Variants in SNTG1 observed in about 807,000 individuals in gnomAD.
SNTG1 encodes the protein syntrophin gamma 1.
SNTG1 carries 39 observed loss-of-function variants against 74.7 expected under a neutral mutation model. The observed-to-expected ratio is 0.52, with a 90% confidence interval of 0.40 to 0.68. The LOEUF (loss-of-function observed/expected upper bound fraction) is 0.68, where lower values mean the gene tolerates loss of function less well. Among genes scored for constraint, SNTG1 ranks in the 30% least tolerant of loss-of-function variants. The pLI, the probability that SNTG1 is intolerant of heterozygous loss-of-function variation, is 0.00. For missense variants in SNTG1, 685 were observed against 609.5 expected (o/e 1.12, Z -1.30); for synonymous variants, 254 against 217.1 (o/e 1.17, Z -1.49).
chr8:49,969,349 A>T (rs1301244630), intron 1 of SNTG1, among the ~76,000 whole-genome samples: 1 of 151,764 alleles, frequency 6.6e-6, no homozygotes, highest in East Asian at 1.9e-4. Flanking sequence ...AATTTACAAA[A>T]ATTCTCAAAA....
At chr8:50,100,222 T>A in intron 1 of SNTG1, among the ~76,000 whole-genome samples, 1 of 152,134 alleles carries the variant, frequency 6.6e-6, no homozygotes, top group Non-Finnish European at 1.5e-5. Context: ...GTTGATTTCA[T>A]AGAAGTAGAG....
chr8:50,714,478 A>T (rs148104010), intron 17 of SNTG1, among the ~76,000 whole-genome samples: 19 of 152,090 alleles, frequency 1.2e-4, no homozygotes, highest in Non-Finnish European at 2.6e-4. Flanking sequence ...GTCCAAAGTG[A>T]TTTATAGATT....
At chr8:50,046,695 A>G (rs188987986) in intron 1 of SNTG1, among the ~76,000 whole-genome samples, 2 of 152,224 alleles carry the variant, frequency 1.3e-5, no homozygotes, top group Admixed American at 1.3e-4. Context: ...TTTCTCTGTT[A>G]TTTGTATGTG....
chr8:50,112,824 A>C (rs561681094), intron 1 of SNTG1, among the ~76,000 whole-genome samples: 38 of 152,040 alleles, frequency 2.5e-4, no homozygotes, highest in Non-Finnish European at 5.0e-4. Context: ...ATTTAATTCT[A>C]AATATGCATG....
At chr8:50,022,734 A>G (rs1816934590) in intron 1 of SNTG1, among the ~76,000 whole-genome samples, 1 of 152,142 alleles carries the variant, frequency 6.6e-6, no homozygotes, top group African/African-American at 2.4e-5. Context: ...GCATACATGG[A>G]TTAGGAAATA....
chr8:50,122,212 A>G (rs375712200), intron 1 of SNTG1, among the ~76,000 whole-genome samples: 1 of 142,194 alleles, frequency 7.0e-6, no homozygotes, highest in African/African-American at 2.5e-5. Context: ...GAATAAATGT[A>G]AAAATATTCA....
At chr8:50,368,296 T>A (rs2092173525) in intron 2 of SNTG1, among the ~76,000 whole-genome samples, 1 of 152,196 alleles carries the variant, frequency 6.6e-6, no homozygotes, top group Admixed American at 6.5e-5. Flanking sequence ...TACACTTGGC[T>A]ATTTACCAGA....
chr8:50,600,815 A>AT (rs916557417), intron 13 of SNTG1, among the ~76,000 whole-genome samples: 39 of 147,930 alleles, frequency 2.6e-4, no homozygotes, highest in Admixed American at 4.7e-4. Context: ...TCTTTATTCT[A>AT]TTTTTTTTTC....
At chr8:50,131,422 A>AT (rs796612135) in intron 1 of SNTG1, among the ~76,000 whole-genome samples, 2 of 152,032 alleles carry the variant, frequency 1.3e-5, no homozygotes, top group Admixed American at 6.6e-5. Flanking sequence ...ATCATGCAGT[A>AT]TTTTTTTTCT....
At chr8:50,492,573 C>T (rs1042382289) in intron 8 of SNTG1, among the ~76,000 whole-genome samples, 6 of 152,270 alleles carry the variant, frequency 3.9e-5, no homozygotes, top group African/African-American at 1.4e-4. Flanking sequence ...TCTTTGCCCA[C>T]TTTTTGATGG....
chr8:50,004,460 C>A (rs1283282388), intron 1 of SNTG1, among the ~76,000 whole-genome samples: 4 of 152,128 alleles, frequency 2.6e-5, no homozygotes, highest in East Asian at 1.9e-4. Flanking sequence ...TCTAGAGGAT[C>A]CTCACTTACT....
intron 1 of SNTG1, among the ~76,000 whole-genome samples, chr8:50,080,225 C>T (rs568076513): frequency 9.2e-5 from 14 of 152,210 alleles, no homozygotes; most frequent in East Asian, 1.9e-4. Context: ...TCCTTCTCAT[C>T]GCTGTACTAT....
At chr8:49,997,727 T>G (rs561996531) in intron 1 of SNTG1, among the ~76,000 whole-genome samples, 1 of 152,286 alleles carries the variant, frequency 6.6e-6, no homozygotes, top group African/African-American at 2.4e-5. Flanking sequence ...AGTTACTCCT[T>G]CTTAGACTTT....
intron 1 of SNTG1, among the ~76,000 whole-genome samples, chr8:50,114,000 A>T (rs925094845): frequency 2.6e-5 from 4 of 152,046 alleles, no homozygotes; most frequent in Admixed American, 6.6e-5. Flanking sequence ...GAAAAAATCT[A>T]ATCACAAAAC....
chr8:50,339,716 AAG>A (rs2091262590), intron 2 of SNTG1, among the ~76,000 whole-genome samples: 1 of 151,944 alleles, frequency 6.6e-6, no homozygotes, highest in Admixed American at 6.5e-5. Context: ...AAGGCAGAAA[AAG>A]AGGGGAAAAT....
intron 15 of SNTG1, among the ~76,000 whole-genome samples, chr8:50,687,650 C>T (rs1480247998): frequency 6.6e-6 from 1 of 152,138 alleles, no homozygotes; most frequent in East Asian, 1.9e-4. Flanking sequence ...ATACATGTGC[C>T]ATGTTGGTGT....
intron 1 of SNTG1, among the ~76,000 whole-genome samples, chr8:49,966,718 C>T (rs575844638): frequency 2.0e-5 from 3 of 152,224 alleles, no homozygotes; most frequent in South Asian, 4.1e-4. Flanking sequence ...TTGACTAAAA[C>T]ACATATTTAA....
chr8:50,242,780 A>C (rs2086224174), intron 2 of SNTG1, among the ~76,000 whole-genome samples: 1 of 150,182 alleles, frequency 6.7e-6, no homozygotes, highest in Non-Finnish European at 1.5e-5. Flanking sequence ...TATATTATCT[A>C]TTTATATTAC....
At chr8:50,095,146 G>T (rs2079879913) in intron 1 of SNTG1, among the ~76,000 whole-genome samples, 1 of 152,068 alleles carries the variant, frequency 6.6e-6, no homozygotes, top group Admixed American at 6.6e-5. Context: ...AAACGTCAGG[G>T]TCTACTTCAG....
Sources: allele counts gnomAD v4.1 joint callset (sites outside exome capture counted in the v4.1 genomes callset), GRCh38; gene constraint gnomAD v4.1.1; transcripts MANE v1.5; gene names NCBI Gene and HGNC (gene_info 2026-07-23, HGNC 2026-07-21).